The following ABCC11 variants were observed in gnomAD, a reference collection of about 807,000 sequenced individuals.
ABCC11 encodes the protein ATP binding cassette subfamily C member 11.
In ABCC11, 135 loss-of-function variants were observed where a neutral mutation model predicts 149.3. That is an observed-to-expected ratio of 0.90 (90% CI 0.79 to 1.04). The LOEUF (loss-of-function observed/expected upper bound fraction) is 1.04. Among genes scored for constraint, ABCC11 ranks in the 50% least tolerant of loss-of-function variants. The pLI is 0.00. For synonymous variants in ABCC11, 665 were observed against 671.4 expected (o/e 0.99, Z 0.15); for missense variants, 1,680 against 1,722.1 (o/e 0.98, Z 0.43).
chr16:48,210,770 A>G (rs1179643417), intron 11 of ABCC11, 178 bp downstream of exon 11: 1 of 928,470 alleles, frequency 1.1e-6, no homozygotes, highest in Non-Finnish European at 1.6e-6. Flanking sequence ...ATTAATTCAC[A>G]TTAAAAAATG....
chr16:48,230,133 T>C lies in ABCC11; in HGVS notation c.236+304A>G, dbSNP rs113506741. Among the ~76,000 whole-genome samples, 1,002 of 152,350 alleles carry C rather than the reference T, an allele frequency of 6.6e-3. 12 individuals are homozygous for C. The highest frequency in any genetic ancestry group is 0.023 in the African/African-American group (953 of 41,576). ...TGTCATGCACAAGTTTATTTGCTTA[T>C]TGTCTTTCTCTCCCATGTGAGGTCC... On this transcript the variant is annotated intron_variant, in intron 3 of 29. Coordinates refer to ENST00000356608, the MANE Select transcript of ABCC11 (RefSeq NM_001370497.1).
chr16:48,246,121 G>A (rs1971370437), intron 1 of ABCC11, among the ~76,000 whole-genome samples: 1 of 151,270 alleles, frequency 6.6e-6, no homozygotes, highest in African/African-American at 2.4e-5. Context: ...CCCCACCCCC[G>A]TTAAAAGAAA....
intron 5 of ABCC11, among the ~76,000 whole-genome samples, chr16:48,223,971 C>T (rs1387251741): frequency 1.3e-5 from 2 of 152,116 alleles, no homozygotes; most frequent in African/African-American, 2.4e-5. Flanking sequence ...AAGGTCTACA[C>T]CTGAGGGTCC....
intron 28 of ABCC11, among the ~76,000 whole-genome samples, chr16:48,169,656 T>C (rs1349204164): frequency 1.3e-5 from 2 of 151,450 alleles, no homozygotes; most frequent in South Asian, 2.1e-4. Context: ...CTCAGCAAAC[T>C]ATTGCAAGGA....
Position 48,197,967 on chromosome 16 carries a change from T to C in ABCC11, c.2314+4A>G, listed in dbSNP as rs1034982655. 5.0e-6 allele frequency: 8 copies of C among 1,613,598 alleles called. No individual in the cohort carries two copies. In the African/African-American group the frequency reaches 6.7e-5, roughly 13 times the overall value. On this transcript the variant is annotated splice_donor_region_variant and intron_variant, in intron 17 of 29. Coordinates refer to ENST00000356608, the MANE Select transcript of ABCC11 (RefSeq NM_001370497.1). ...CATTCTTGTCCTATCTCCCACACCA[T>C]TACCAGCATTTCCGTTGAGAGACTC...
intron 3 of ABCC11, among the ~76,000 whole-genome samples, chr16:48,228,686 C>T (rs1970240683): frequency 6.6e-6 from 1 of 152,070 alleles, no homozygotes; most frequent in African/African-American, 2.4e-5. Context: ...ACATTTATAT[C>T]ACATTGCTGA....
At position 48,222,772 on chromosome 16, in the gene ABCC11, A is replaced by G. The variant is rs1046225333; in HGVS notation, c.603T>C (p.His201=). 1 of 1,614,236 alleles carries G rather than the reference A, an allele frequency of 6.2e-7. No homozygotes were observed. Among genetic ancestry groups the G allele is most frequent in the Non-Finnish European group, 8.5e-7 (1 of 1,180,028 alleles). Residue 201 remains histidine, a synonymous_variant, in exon 6 of 30, where the codon CAT becomes CAC. Transcript: ENST00000356608. ...AAAGGGCAAAGCAGAGTCCCACTCC[A>G]TGGACAACATTCCCCAACTGCTCTT... ...YSEEQLGNVV[H]GVGLCFALFL...
Position 48,192,720 on chromosome 16 carries a change from T to C in ABCC11, c.2509-3A>G. 3.1e-6 allele frequency: 5 copies of C among 1,614,152 alleles called. No individual in the cohort carries two copies. The highest frequency in any genetic ancestry group is 4.2e-6 in the Non-Finnish European group (5 of 1,180,010). On this transcript the variant is annotated splice_region_variant and splice_polypyrimidine_tract_variant and intron_variant, in intron 19 of 29. Transcript: ENST00000356608. ...TTGCTCTCTCGGCTGCTATTGGTCT[T>C]CAAGAAAGAACAGGGGGTCTGACTG... is the stretch of plus-strand genomic sequence containing the variant.
At chr16:48,206,469 A>G (rs1397967114) in intron 12 of ABCC11, among the ~76,000 whole-genome samples, 1 of 152,202 alleles carries the variant, frequency 6.6e-6, no homozygotes, top group Non-Finnish European at 1.5e-5. Flanking sequence ...TTAAAAACAA[A>G]TAGAGATAGA....
At position 48,192,614 on chromosome 16, in the gene ABCC11, A is replaced by C; in HGVS notation, c.2612T>G (p.Leu871Arg). The C allele has an allele frequency of 6.2e-7, 1 of 1,614,216 alleles. No homozygotes were observed. Among genetic ancestry groups the C allele is most frequent in the South Asian group, 1.1e-5 (1 of 91,082 alleles). ...GCAGACCCCCACACAGATGAGGAGC[A>C]GGGCGTTGAGCCCGTACACCAGCTG... Reference protein sequence around the residue: ...FYQLVYGLNALLLICVGVCSS... With the variant: ...FYQLVYGLNARLLICVGVCSS... The change falls in exon 20 of 30, where the codon CTG becomes CGG. Residue 871 changes from leucine to arginine, a missense_variant. Leu to Arg is a moderately radical substitution (Grantham distance 102, BLOSUM62 -2). Coordinates refer to ENST00000356608, the MANE Select transcript of ABCC11 (RefSeq NM_001370497.1).
chr16:48,231,085 G>A (rs1970387733), intron 2 of ABCC11, among the ~76,000 whole-genome samples: 2 of 152,142 alleles, frequency 1.3e-5, no homozygotes, highest in Middle Eastern at 3.4e-3. Context: ...TCAGAATAGT[G>A]GTTACATCAG....
At chr16:48,233,805 T>C (rs949954438) in intron 1 of ABCC11, among the ~76,000 whole-genome samples, 25 of 152,338 alleles carry the variant, frequency 1.6e-4, no homozygotes, top group African/African-American at 5.3e-4. Context: ...GTGGTTGCAA[T>C]TGGTGATTAA....
chr16:48,202,066 C>T (rs777184829), intron 14 of ABCC11, among the ~76,000 whole-genome samples: 1 of 152,196 alleles, frequency 6.6e-6, no homozygotes, highest in East Asian at 1.9e-4. Flanking sequence ...CCCATTCATT[C>T]ATTTACTTAT....
At chr16:48,213,321 T>G (rs1969075955) in intron 10 of ABCC11, 122 bp downstream of exon 10, 1 of 771,070 alleles carries the variant, frequency 1.3e-6, no homozygotes, top group Non-Finnish European at 2.1e-6. Context: ...GTCACTGAGT[T>G]AGCTAATCCC....
chr16:48,224,564 G>T, intron 4 of ABCC11, 135 bp from the exon 5 acceptor site: 4 of 931,922 alleles, frequency 4.3e-6, no homozygotes, highest in African/African-American at 1.7e-5. Flanking sequence ...AATCTTCTGA[G>T]TACTCATCCC....
chr16:48,170,954 G>T lies in ABCC11; in HGVS notation c.3712C>A (p.Pro1238Thr). 6.2e-7 allele frequency: 1 copy of T among 1,613,224 alleles called. No homozygotes were observed. Among genetic ancestry groups the T allele is most frequent in the South Asian group, 1.1e-5 (1 of 91,052 alleles). The change falls in exon 27 of 30, where the codon CCC (proline) becomes ACC (threonine). Residue 1238 changes from proline (P) to threonine (T), a missense_variant. Coordinates refer to ENST00000356608, the MANE Select transcript of ABCC11 (RefSeq NM_001370497.1). ...LSGTIRFNLD[P>T]FDRHTDQQIW... ...TGCTGGTCAGTGTGACGGTCAAAGG[G>T]ATCTAGGTTGAATCTACCATATGAG...
chr16:48,181,049 T>A (rs1010229100), intron 23 of ABCC11, among the ~76,000 whole-genome samples: 1 of 152,208 alleles, frequency 6.6e-6, no homozygotes, highest in Admixed American at 6.5e-5. Context: ...GAGATGAGCC[T>A]CTGCCTCGCT....
At chr16:48,178,157 T>C (rs891743479) in intron 24 of ABCC11, among the ~76,000 whole-genome samples, 1 of 152,236 alleles carries the variant, frequency 6.6e-6, no homozygotes, top group African/African-American at 2.4e-5. Context: ...ATTTCAGAGA[T>C]GGGGAAAAGA....
intron 4 of ABCC11, among the ~76,000 whole-genome samples, chr16:48,225,043 CA>C (rs113544609): frequency 1.5e-4 from 21 of 142,518 alleles, no homozygotes; most frequent in South Asian, 1.4e-3. Flanking sequence ...AAAAACAAAC[CA>C]AAAAAAAAAT....
Sources: gnomAD v4.1 joint callset for allele counts (sites outside exome capture counted in the v4.1 genomes callset) on GRCh38, gnomAD v4.1.1 for gene constraint, MANE v1.5 for transcripts, NCBI Gene and HGNC (gene_info 2026-07-23, HGNC 2026-07-21) for gene names.